The following MCU variants were observed in gnomAD, a reference collection of about 807,000 sequenced individuals.
The protein encoded by MCU is calcium uniporter protein, mitochondrial.
A neutral mutation model predicts 45.2 loss-of-function variants in MCU; 12 were observed. The ratio of observed to expected loss-of-function variants is 0.27; its 90% confidence interval spans 0.17 to 0.43. The LOEUF (loss-of-function observed/expected upper bound fraction) is 0.43. Ranked by LOEUF, MCU falls within the 20% of genes least tolerant of loss-of-function variation. The pLI, the probability that MCU is intolerant of heterozygous loss-of-function variation, is 1.00. For missense variants in MCU, 324 were observed against 436.7 expected, an observed-to-expected ratio of 0.74 and a Z score of 2.30; for synonymous variants, 160 against 165.1, an observed-to-expected ratio of 0.97 and a Z score of 0.24.
intron 1 of MCU, among the ~76,000 whole-genome samples, chr10:72,817,655 G>T (rs1844647660): frequency 6.6e-6 from 1 of 152,158 alleles, no homozygotes; most frequent in African/African-American, 2.4e-5. Flanking sequence ...GGAGTCTGTT[G>T]CCCAGGCTGG....
intron 3 of MCU, 43 bp from the exon 4 acceptor site, chr10:72,860,380 A>G (rs979292231): frequency 2.7e-6 from 4 of 1,490,368 alleles, no homozygotes; most frequent in African/African-American, 1.4e-5. Flanking sequence ...CCATTCTTGA[A>G]TAATTATGGA....
intron 1 of MCU, among the ~76,000 whole-genome samples, chr10:72,804,649 GC>G (rs1451907070): frequency 6.6e-6 from 1 of 152,100 alleles, no homozygotes; most frequent in Non-Finnish European, 1.5e-5. Context: ...AAAAAAACTG[GC>G]AAATTCACAT....
intron 6 of MCU, among the ~76,000 whole-genome samples, chr10:72,880,488 GA>G (rs367883010): frequency 2.0e-3 from 303 of 147,924 alleles, no homozygotes; most frequent in South Asian, 8.5e-3. Flanking sequence ...CGGGGGGGGG[GA>G]AACCCTAGAA....
chr10:72,812,446 T>C (rs1265180930), intron 1 of MCU, among the ~76,000 whole-genome samples: 1 of 152,120 alleles, frequency 6.6e-6, no homozygotes, highest in Non-Finnish European at 1.5e-5. Context: ...GCGCCCATAC[T>C]CCAGATTTCT....
At chr10:72,755,777 A>G (rs1036403539) in intron 1 of MCU, among the ~76,000 whole-genome samples, 2 of 152,100 alleles carry the variant, frequency 1.3e-5, no homozygotes, top group African/African-American at 4.8e-5. Context: ...TTTTTGCCAG[A>G]TAAGAGTTTT....
In MCU at chr10:72,860,456, ACCT is replaced by A; in HGVS notation, c.435_437del (p.Leu146del). On this transcript the variant is annotated inframe_deletion, in exon 4 of 8. Coordinates refer to ENST00000373053, the MANE Select transcript of MCU (RefSeq NM_138357.3). ...CGCGTTGCTGCTTCAACAGGAATAG[ACCT>A]CCTCCTCCTTGATGACTTTAAGCTG... 2 of 1,613,910 alleles carry A rather than the reference ACCT, an allele frequency of 1.2e-6. No homozygotes were observed. Among genetic ancestry groups the A allele is most frequent in the Non-Finnish European group, 8.5e-7 (1 of 1,179,928 alleles).
intron 6 of MCU, 75 bp from the exon 7 acceptor site, chr10:72,884,190 TC>T: frequency 1.2e-6 from 1 of 869,296 alleles, no homozygotes; most frequent in Non-Finnish European, 1.9e-6. Context: ...ATGTATTGAA[TC>T]TAAGCAGCAG....
chr10:72,707,573 A>T (rs1842839151), intron 1 of MCU, among the ~76,000 whole-genome samples: 1 of 151,694 alleles, frequency 6.6e-6, no homozygotes, highest in Admixed American at 6.6e-5. Context: ...TTTCTGAGAT[A>T]GTTAAATAAA....
At chr10:72,710,827 C>G (rs1202278587) in intron 1 of MCU, among the ~76,000 whole-genome samples, 1 of 151,880 alleles carries the variant, frequency 6.6e-6, no homozygotes, top group Non-Finnish European at 1.5e-5. Context: ...TGTGTTTATC[C>G]TTTATCTACA....
chr10:72,805,115 C>CTTTT (rs1268940114), intron 1 of MCU, among the ~76,000 whole-genome samples: 1 of 127,754 alleles, frequency 7.8e-6, no homozygotes, highest in South Asian at 2.6e-4. Flanking sequence ...TTCTTTCTTT[C>CTTTT]TTTCTTTCTT....
intron 1 of MCU, among the ~76,000 whole-genome samples, chr10:72,833,083 T>C (rs1380949447): frequency 6.6e-6 from 1 of 152,122 alleles, no homozygotes; most frequent in Non-Finnish European, 1.5e-5. Context: ...AAGACTAGAA[T>C]GTTAGTTAAA....
chr10:72,786,659 T>A (rs1443837381), intron 1 of MCU, among the ~76,000 whole-genome samples: 1 of 152,042 alleles, frequency 6.6e-6, no homozygotes, highest in African/African-American at 2.4e-5. Flanking sequence ...GGCAGGAGAA[T>A]CGCTTGAACC....
chr10:72,876,436 T>A (rs539015213), intron 6 of MCU, among the ~76,000 whole-genome samples: 1 of 152,344 alleles, frequency 6.6e-6, no homozygotes, highest in African/African-American at 2.4e-5. Flanking sequence ...CAGTATGTAC[T>A]CTATAAACTC....
At chr10:72,849,095 A>G (rs1845166637) in intron 2 of MCU, among the ~76,000 whole-genome samples, 1 of 152,034 alleles carries the variant, frequency 6.6e-6, no homozygotes, top group African/African-American at 2.4e-5. Flanking sequence ...CCTGGCCAAC[A>G]TAGTGAAACC....
chr10:72,694,779 A>G (rs180836935), intron 1 of MCU, among the ~76,000 whole-genome samples: 28 of 152,352 alleles, frequency 1.8e-4, no homozygotes, highest in African/African-American at 6.3e-4. Context: ...CAGTTACAGC[A>G]CTGCCTAATT....
At chr10:72,858,184 A>G (rs1022792784) in intron 2 of MCU, among the ~76,000 whole-genome samples, 1 of 152,166 alleles carries the variant, frequency 6.6e-6, no homozygotes. Flanking sequence ...GTGGCCAAAT[A>G]TACATACTCA....
At chr10:72,696,030 C>T (rs968748205) in intron 1 of MCU, among the ~76,000 whole-genome samples, 1 of 151,262 alleles carries the variant, frequency 6.6e-6, no homozygotes, top group African/African-American at 2.4e-5. Context: ...GGCATGGTGG[C>T]AGGCGCCTGT....
chr10:72,704,058 G>T (rs1463336214), intron 1 of MCU, among the ~76,000 whole-genome samples: 1 of 152,152 alleles, frequency 6.6e-6, no homozygotes, highest in Non-Finnish European at 1.5e-5. Context: ...AAAAAATACT[G>T]CTTGTCTATA....
At chr10:72,884,152 C>T (rs1298292952) in intron 6 of MCU, 114 bp from the exon 7 acceptor site, 4 of 677,684 alleles carry the variant, frequency 5.9e-6, no homozygotes, top group South Asian at 1.8e-5. Context: ...ATACTTAACA[C>T]AGCACATGTC....
Sources: gnomAD v4.1 joint callset for allele counts (sites outside exome capture counted in the v4.1 genomes callset) on GRCh38, gnomAD v4.1.1 for gene constraint, MANE v1.5 for transcripts, NCBI Gene and HGNC (gene_info 2026-07-23, HGNC 2026-07-21) for gene names.